Variants in FIP1L1 observed in about 807,000 individuals in gnomAD.
FIP1L1 encodes the protein pre-mRNA 3'-end-processing factor FIP1.
In FIP1L1, 21 loss-of-function variants were observed where a neutral mutation model predicts 84.6. The ratio of observed to expected loss-of-function variants is 0.25; its 90% CI spans 0.18 to 0.36. The LOEUF is 0.36. Among genes scored for constraint, FIP1L1 ranks in the 10% least tolerant of loss-of-function variants. FIP1L1 has a pLI of 1.00. For synonymous variants in FIP1L1, 263 were observed against 242.3 expected, an observed-to-expected ratio of 1.09 and a Z score of -0.80; for missense variants, 526 against 751.1, an observed-to-expected ratio of 0.70 and a Z score of 3.50.
At chr4:53,408,318 T>G (rs1292365916) in intron 10 of FIP1L1, among the ~76,000 whole-genome samples, 1 of 152,228 alleles carries the variant, frequency 6.6e-6, no homozygotes, top group Non-Finnish European at 1.5e-5. Flanking sequence ...TGTTGAATAT[T>G]GGCCCCCACT....
intron 10 of FIP1L1, among the ~76,000 whole-genome samples, chr4:53,412,083 C>CA (rs911330243): frequency 7.3e-5 from 11 of 151,326 alleles, no homozygotes; most frequent in African/African-American, 1.5e-4. Context: ...CAAAGAATTG[C>CA]AAAAAAAAGT....
chr4:53,447,806 A>G (rs1774836554), intron 15 of FIP1L1, among the ~76,000 whole-genome samples: 1 of 152,068 alleles, frequency 6.6e-6, no homozygotes, highest in South Asian at 2.1e-4. Context: ...TACGGCTTAT[A>G]TCTATAGCCT....
chr4:53,407,940 CTT>C (rs1171058123), intron 10 of FIP1L1, among the ~76,000 whole-genome samples: 2 of 152,136 alleles, frequency 1.3e-5, no homozygotes, highest in African/African-American at 2.4e-5. Flanking sequence ...GGTCTTGACT[CTT>C]TATCCAATTT....
chr4:53,395,588 A>G (rs1391502651), intron 9 of FIP1L1, among the ~76,000 whole-genome samples: 1 of 152,214 alleles, frequency 6.6e-6, no homozygotes, highest in Non-Finnish European at 1.5e-5. Context: ...AAGATGATAT[A>G]GTTATAAACT....
At chr4:53,417,781 T>A (rs1237703292) in intron 11 of FIP1L1, among the ~76,000 whole-genome samples, 11,226 of 56,496 alleles carry the variant, frequency 0.2, 985 homozygotes, top group African/African-American at 0.39. Flanking sequence ...TCTCTCTCTC[T>A]CTCTCTCTCT....
intron 10 of FIP1L1, among the ~76,000 whole-genome samples, chr4:53,413,082 A>G (rs1757901862): frequency 6.6e-6 from 1 of 151,884 alleles, no homozygotes; most frequent in Non-Finnish European, 1.5e-5. Flanking sequence ...ATTTATATAT[A>G]CTGTAATTCA....
Position 53,459,440 on chromosome 4 carries a change from T to C in FIP1L1, c.1776T>C (p.Pro592=). The C allele has an allele frequency of 6.2e-7, 1 of 1,613,646 alleles. No individual in the cohort carries two copies. The highest frequency in any genetic ancestry group is 1.3e-5 in the African/African-American group (1 of 75,028). ...APEQESTEAT[P]AE Reference sequence around the variant, plus strand: ...AACAGGAGAGCACCGAAGCTACACCTGCAGAATAGGCATGGTTTTGGCCTT... The same window carrying C: ...AACAGGAGAGCACCGAAGCTACACCCGCAGAATAGGCATGGTTTTGGCCTT... Residue 592 remains proline (P), a synonymous_variant, in exon 18 of 18, where the codon CCT becomes CCC. Transcript: ENST00000337488.
chr4:53,409,716 C>T (rs1311338529), intron 10 of FIP1L1, among the ~76,000 whole-genome samples: 4 of 152,336 alleles, frequency 2.6e-5, no homozygotes, highest in East Asian at 1.9e-4. Context: ...CCCCCAGCCT[C>T]GCTGCCACCT....
intron 10 of FIP1L1, among the ~76,000 whole-genome samples, chr4:53,405,770 A>T (rs1376259122): frequency 6.6e-6 from 1 of 150,420 alleles, no homozygotes; most frequent in Non-Finnish European, 1.5e-5. Flanking sequence ...CTTTGTAGCA[A>T]TTGTGAATGG....
At chr4:53,436,956 A>G (rs1377220317) in intron 13 of FIP1L1, among the ~76,000 whole-genome samples, 2 of 152,020 alleles carry the variant, frequency 1.3e-5, no homozygotes, top group African/African-American at 4.8e-5. Context: ...TTGAGAGGCC[A>G]AGGCGGGTAG....
intron 10 of FIP1L1, among the ~76,000 whole-genome samples, chr4:53,411,790 A>G (rs1757350124): frequency 6.6e-6 from 1 of 152,154 alleles, no homozygotes; most frequent in South Asian, 2.1e-4. Context: ...TACCCATCAA[A>G]TTGGCACTGT....
intron 8 of FIP1L1, 121 bp downstream of exon 8, chr4:53,391,260 T>G: frequency 7.9e-7 from 1 of 1,260,086 alleles, no homozygotes; most frequent in Non-Finnish European, 1.1e-6. Flanking sequence ...AATTCCATTT[T>G]GTTTACCATG....
intron 15 of FIP1L1, among the ~76,000 whole-genome samples, chr4:53,447,707 G>A (rs1273614437): frequency 1.3e-5 from 2 of 152,014 alleles, no homozygotes; most frequent in Non-Finnish European, 1.5e-5. Flanking sequence ...TTTGGATTTC[G>A]GATGTTTGTT....
chr4:53,430,093 T>G (rs1765906333), intron 13 of FIP1L1, among the ~76,000 whole-genome samples: 1 of 152,148 alleles, frequency 6.6e-6, no homozygotes, highest in African/African-American at 2.4e-5. Context: ...ATGCATGTTG[T>G]CACAAATGAC....
At chr4:53,421,864 A>C (rs1459898770) in intron 11 of FIP1L1, among the ~76,000 whole-genome samples, 1 of 152,242 alleles carries the variant, frequency 6.6e-6, no homozygotes, top group African/African-American at 2.4e-5. Flanking sequence ...TTTATTTAGA[A>C]ATCAGGGACG....
intron 16 of FIP1L1, among the ~76,000 whole-genome samples, chr4:53,454,199 G>A (rs1236526074): frequency 2.0e-5 from 3 of 152,136 alleles, no homozygotes; most frequent in East Asian, 1.9e-4. Flanking sequence ...TGTTTTTACT[G>A]TATCTTTTGT....
chr4:53,409,262 C>T (rs191505221), intron 10 of FIP1L1, among the ~76,000 whole-genome samples: 1 of 152,200 alleles, frequency 6.6e-6, no homozygotes, highest in Non-Finnish European at 1.5e-5. Flanking sequence ...GAGGTCTACT[C>T]CAGATCCTGT....
intron 13 of FIP1L1, among the ~76,000 whole-genome samples, chr4:53,430,422 C>T (rs756680164): frequency 1.4e-5 from 2 of 140,100 alleles, no homozygotes; most frequent in Non-Finnish European, 3.0e-5. Flanking sequence ...GGTCTCAGCT[C>T]ACTGCATCCT....
At chr4:53,398,041 T>G (rs1439722317) in intron 9 of FIP1L1, among the ~76,000 whole-genome samples, 2 of 152,240 alleles carry the variant, frequency 1.3e-5, no homozygotes, top group African/African-American at 4.8e-5. Context: ...TGTGTTATTA[T>G]AACATCTTTT....
Sources: allele counts gnomAD v4.1 joint callset (sites outside exome capture counted in the v4.1 genomes callset), GRCh38; gene constraint gnomAD v4.1.1; transcripts MANE v1.5; gene names NCBI Gene and HGNC (gene_info 2026-07-23, HGNC 2026-07-21).